The following AGBL1 variants were observed in gnomAD, a reference collection of about 807,000 sequenced individuals.
AGBL1 encodes AGBL carboxypeptidase 1.
AGBL1 carries 130 observed loss-of-function variants against 118.9 expected under a neutral mutation model. The observed-to-expected ratio is 1.09, with a 90% CI of 0.95 to 1.26. The LOEUF is 1.26. Among genes scored for constraint, AGBL1 ranks in the 50% most tolerant of loss-of-function variants. The pLI is 0.00. For synonymous variants in AGBL1, 555 were observed against 478.9 expected (o/e 1.16, Z -2.08); for missense variants, 1,584 against 1,298.1 (o/e 1.22, Z -3.38).
At chr15:86,348,176 G>A (rs2080568534) in intron 17 of AGBL1, among the ~76,000 whole-genome samples, 3 of 152,100 alleles carry the variant, frequency 2.0e-5, no homozygotes. Context: ...AACTTGCCGA[G>A]AAGTGGGAGA....
intron 18 of AGBL1, among the ~76,000 whole-genome samples, chr15:86,400,794 A>G (rs889034893): frequency 2.0e-5 from 3 of 151,716 alleles, no homozygotes; most frequent in Admixed American, 1.3e-4. Context: ...ATTTCATTCC[A>G]TTTTATGCCA....
intron 18 of AGBL1, among the ~76,000 whole-genome samples, chr15:86,493,270 G>C (rs1203688098): frequency 6.6e-6 from 1 of 152,020 alleles, no homozygotes; most frequent in African/African-American, 2.4e-5. Context: ...CGGTGATCAC[G>C]TGTTTTAGAA....
In AGBL1 at chr15:87,021,189, T is replaced by C. The variant is rs1053219001; in HGVS notation, c.3324-7636T>C. 2.6e-5 allele frequency among the ~76,000 whole-genome samples: 4 copies of C among 151,566 alleles called. No homozygotes were observed. The South Asian group carries it at 6.2e-4, about 24-fold the overall frequency. On this transcript the variant is annotated intron_variant, in intron 24 of 24. Transcript: ENST00000441037. ...TGGAACAGAGTAGAGAACTCAGAAA[T>C]AAGACCTACAACCATCTGATCTTTG...
chr15:86,113,962 A>G (rs749901689), intron 1 of AGBL1, among the ~76,000 whole-genome samples: 8 of 152,220 alleles, frequency 5.3e-5, no homozygotes, highest in Non-Finnish European at 8.8e-5. Context: ...GAAAATACTG[A>G]TAATTACTGT....
At chr15:86,885,237 C>A (rs911994858) in intron 22 of AGBL1, among the ~76,000 whole-genome samples, 1 of 152,004 alleles carries the variant, frequency 6.6e-6, no homozygotes, top group Non-Finnish European at 1.5e-5. Context: ...TATGCATTAT[C>A]TTAAATTATT....
chr15:86,488,680 C>G (rs966994593), intron 18 of AGBL1, among the ~76,000 whole-genome samples: 1 of 152,020 alleles, frequency 6.6e-6, no homozygotes, highest in Non-Finnish European at 1.5e-5. Flanking sequence ...CTTTTCCATT[C>G]CTCCCTACAT....
chr15:86,946,893 C>T (rs537956892), intron 23 of AGBL1, among the ~76,000 whole-genome samples: 1 of 146,692 alleles, frequency 6.8e-6, no homozygotes, highest in South Asian at 2.2e-4. Context: ...AGAAATACTA[C>T]AGGGAGGTGA....
intron 17 of AGBL1, among the ~76,000 whole-genome samples, chr15:86,365,001 A>G (rs1210349526): frequency 0.019 from 2,451 of 131,636 alleles, 92 homozygotes; most frequent in Non-Finnish European, 0.03. Context: ...ACACACACAT[A>G]TATATATACA....
intron 18 of AGBL1, among the ~76,000 whole-genome samples, chr15:86,476,176 T>C (rs1315569497): frequency 6.6e-6 from 1 of 152,126 alleles, no homozygotes; most frequent in Non-Finnish European, 1.5e-5. Flanking sequence ...CATCAACTAA[T>C]GAGCAAAATA....
chr15:86,708,520 G>A (rs1249423659), intron 22 of AGBL1, among the ~76,000 whole-genome samples: 1 of 152,090 alleles, frequency 6.6e-6, no homozygotes, highest in Non-Finnish European at 1.5e-5. Flanking sequence ...TTTCCAGTTC[G>A]TGGTATTTGT....
chr15:86,128,578 A>C (rs914008603), intron 1 of AGBL1, among the ~76,000 whole-genome samples: 3 of 152,180 alleles, frequency 2.0e-5, no homozygotes, highest in Non-Finnish European at 4.4e-5. Flanking sequence ...CAGGCGCCCC[A>C]CCTCGCATGG....
chr15:86,931,192 A>G (rs1376336975), intron 23 of AGBL1, among the ~76,000 whole-genome samples: 2 of 152,236 alleles, frequency 1.3e-5, no homozygotes, highest in Non-Finnish European at 2.9e-5. Flanking sequence ...CTTTGAATCT[A>G]CTTATGACAT....
At chr15:86,326,645 T>G (rs1203645471) in intron 17 of AGBL1, among the ~76,000 whole-genome samples, 2 of 152,170 alleles carry the variant, frequency 1.3e-5, no homozygotes, top group Non-Finnish European at 2.9e-5. Flanking sequence ...ATAATTAGAG[T>G]ATTCAGGATT....
chr15:86,190,939 G>C (rs2077709319), intron 5 of AGBL1, among the ~76,000 whole-genome samples: 2 of 152,160 alleles, frequency 1.3e-5, no homozygotes, highest in African/African-American at 2.4e-5. Flanking sequence ...CAACTGCTTT[G>C]CAGTGTAGAA....
At chr15:86,600,708 C>G (rs113908598) in intron 21 of AGBL1, among the ~76,000 whole-genome samples, 2 of 152,132 alleles carry the variant, frequency 1.3e-5, no homozygotes, top group African/African-American at 2.4e-5. Context: ...GGGTGGGGAG[C>G]CCTGCTTTTC....
chr15:87,017,459 C>G (rs1029348191), intron 24 of AGBL1, among the ~76,000 whole-genome samples: 1 of 152,050 alleles, frequency 6.6e-6, no homozygotes, highest in South Asian at 2.1e-4. Flanking sequence ...TGTTTTGCAG[C>G]CTTCACTGAT....
intron 20 of AGBL1, among the ~76,000 whole-genome samples, chr15:86,547,371 C>T (rs1475241401): frequency 6.6e-6 from 1 of 151,814 alleles, no homozygotes; most frequent in Non-Finnish European, 1.5e-5. Flanking sequence ...TCTCTTTTTC[C>T]AAGGGAAGGT....
At chr15:86,092,164 G>A (rs1025756019) in intron 1 of AGBL1, among the ~76,000 whole-genome samples, 1 of 152,012 alleles carries the variant, frequency 6.6e-6, no homozygotes, top group African/African-American at 2.4e-5. Flanking sequence ...ACGTTTGAAA[G>A]TCTCCAGAAA....
At chr15:86,260,710 A>G (rs2078968820) in intron 9 of AGBL1, among the ~76,000 whole-genome samples, 1 of 152,178 alleles carries the variant, frequency 6.6e-6, no homozygotes, top group Non-Finnish European at 1.5e-5. Context: ...TGTTCTAATC[A>G]CCACCTTCAA....
Sources: gnomAD v4.1 joint callset for allele counts (sites outside exome capture counted in the v4.1 genomes callset) on GRCh38, gnomAD v4.1.1 for gene constraint, MANE v1.5 for transcripts, NCBI Gene and HGNC (gene_info 2026-07-23, HGNC 2026-07-21) for gene names.